ZSCAN2: variants seen among roughly 807,000 people sequenced by gnomAD.
The protein encoded by ZSCAN2 is zinc finger and SCAN domain-containing protein 2.
In ZSCAN2, 26 loss-of-function variants were observed where a neutral mutation model predicts 47.8. The ratio of observed to expected loss-of-function variants is 0.54; its 90% CI spans 0.40 to 0.75. The LOEUF is 0.75. ZSCAN2 is among the 30% of genes least tolerant of loss of function. The probability of loss-of-function intolerance (pLI) is 0.00; values close to 1 mark genes in which losing one functional copy is unlikely to be tolerated. For missense variants in ZSCAN2, 732 were observed against 785.4 expected (o/e 0.93, Z 0.81); for synonymous variants, 305 against 288.7 (o/e 1.06, Z -0.57).
rs773018666 is a variant in ZSCAN2, at chr15:84,620,812, T to C, written c.617T>C (p.Val206Ala). 5.0e-6 allele frequency: 8 copies of C among 1,614,070 alleles called. 1 individual carries two copies. The highest frequency in any genetic ancestry group is 3.3e-5 in the South Asian group (3 of 91,086). ...GAGGTGGTTTCTCAGGACAGGGAAG[T>C]TGGCCAGCTCATAGGCCTGCAGGGC... ...HGEVVSQDRE[V>A]GQLIGLQGTY... is the part of the protein sequence containing the mutation. Residue 206 changes from valine (V) to alanine (A), a missense_variant, in exon 3 of 3, where the codon GTT becomes GCT. Coordinates refer to ENST00000546148, the MANE Select transcript of ZSCAN2 (RefSeq NM_181877.4).
At position 84,621,512 on chromosome 15, in the gene ZSCAN2, C is replaced by T. The variant is rs1376715704; in HGVS notation, c.1317C>T (p.Thr439=). The T allele has an allele frequency of 6.2e-7, 1 of 1,613,796 alleles. No individual in the cohort carries two copies. The highest frequency in any genetic ancestry group is 1.7e-5 in the Admixed American group (1 of 59,976). The part of the protein sequence containing the change: ...RSSNLATHRR[T]HMVEKPYKCG... ...CTAACCTGGCCACACACCGGAGAAC[C>T]CACATGGTGGAGAAGCCCTATAAGT... The change falls in exon 3 of 3, where the codon ACC becomes ACT. Residue 439 remains threonine (T), a synonymous_variant. Coordinates refer to ENST00000546148, the MANE Select transcript of ZSCAN2 (RefSeq NM_181877.4). The surrounding 1 kb of genome is among the most constrained non-coding windows in gnomAD (Gnocchi z 5.7).
At position 84,621,658 on chromosome 15, in the gene ZSCAN2, ACCT is replaced by A. The variant is rs1567013613; in HGVS notation, c.1468_1470del (p.Leu490del). On this transcript the variant is annotated inframe_deletion, in exon 3 of 3. Transcript: ENST00000546148. This position sits in a 1 kb window ranked among gnomAD's most constrained non-coding sequence, Gnocchi z 5.7. ...GGGGAGAGCTTCAGCTGGAGCTCCA[ACCT>A]CCTCAAGCACCAGAGGATCCACACG... 2 of 1,612,568 alleles carry A rather than the reference ACCT, an allele frequency of 1.2e-6. No individual in the cohort carries two copies. The highest frequency in any genetic ancestry group is 1.7e-6 in the Non-Finnish European group (2 of 1,179,722).
intron 2 of ZSCAN2, 86 bp downstream of exon 2, chr15:84,604,419 G>A: frequency 1.3e-6 from 2 of 1,493,094 alleles, no homozygotes; most frequent in African/African-American, 1.4e-5. Flanking sequence ...AGAAGGTGGT[G>A]TCCAAGGCAG....
Position 84,622,705 on chromosome 15 carries a change from C to T in ZSCAN2, c.*665C>T, listed in dbSNP as rs552339503. 2.4e-5 allele frequency: 17 copies of T among 717,192 alleles called. No homozygotes were observed. The highest frequency in any genetic ancestry group is 2.4e-4 in the South Asian group (16 of 67,576). 44.4% of individuals were successfully genotyped at this position (717,192 alleles called of 1,614,324 possible). A position where few individuals can be genotyped will look rare whatever the true frequency, so the allele number is the denominator to read the frequency against. ...AGCCTGGAGCCAGTGTCCCAGTGTCCTTTCCATTGGTAAGAGTTGGACAGG... is the reference window on the plus strand; with the variant it reads ...AGCCTGGAGCCAGTGTCCCAGTGTCTTTTCCATTGGTAAGAGTTGGACAGG... On this transcript the variant is annotated 3_prime_UTR_variant, in exon 3 of 3. Transcript: ENST00000546148.
At chr15:84,606,836 G>C in intron 2 of ZSCAN2, 4 of 1,235,186 alleles carry the variant, frequency 3.2e-6, no homozygotes, top group Non-Finnish European at 4.0e-6. Context: ...CTGCCTCTGA[G>C]ATTGTCTTTG....
chr15:84,620,715 G>A lies in ZSCAN2; in HGVS notation c.520G>A (p.Gly174Arg). The stretch of plus-strand genomic sequence containing the variant: ...AGGTGAAAGTGCTCAGCACTCCGAT[G>A]GGGAAAGTGACTTTGAGAGAGATGC... Reference protein sequence around the residue: ...PEGESAQHSDGESDFERDAGI... With the variant: ...PEGESAQHSDRESDFERDAGI... Residue 174 changes from glycine to arginine, a missense_variant, in exon 3 of 3, where the codon GGG (glycine) becomes AGG (arginine). Physicochemically the swap from Gly to Arg is moderately radical, Grantham distance 125 (BLOSUM62 -2). Transcript: ENST00000546148. 6.2e-7 allele frequency: 1 copy of A among 1,614,230 alleles called. No homozygotes were observed. Among genetic ancestry groups the A allele is most frequent in the South Asian group, 1.1e-5 (1 of 91,082 alleles).
intron 2 of ZSCAN2, chr15:84,616,273 C>T (rs770386687): frequency 1.5e-5 from 15 of 983,074 alleles, no homozygotes; most frequent in East Asian, 7.1e-5. Flanking sequence ...GATTAATGTG[C>T]GTGGGTCAAA....
chr15:84,620,591 C>G lies in ZSCAN2; in HGVS notation c.407-11C>G. 1 of 1,583,352 alleles carries G rather than the reference C, an allele frequency of 6.3e-7. No homozygotes were observed. The highest frequency in any genetic ancestry group is 1.1e-5 in the South Asian group (1 of 88,712). On this transcript the variant is annotated splice_polypyrimidine_tract_variant and intron_variant, in intron 2 of 2. Transcript: ENST00000546148. The stretch of plus-strand genomic sequence containing the variant: ...TGAGTAGACATTGTATGTTTTTCTT[C>G]ATTGTTTCAGATTTTGAGATACAGA...
intron 2 of ZSCAN2, among the ~76,000 whole-genome samples, chr15:84,608,729 T>A (rs1005006173): frequency 6.6e-6 from 1 of 152,114 alleles, no homozygotes; most frequent in Non-Finnish European, 1.5e-5. Context: ...GTATGGGGTA[T>A]GGCCTGGGCA....
Position 84,622,628 on chromosome 15 carries a change from G to C in ZSCAN2, c.*588G>C. Reference sequence around the variant, plus strand: ...TCTGAGTCACCCACGTGAAGGTAAAGACCCTTTCTATTTCCAGAAAGTGTC... The same window carrying C: ...TCTGAGTCACCCACGTGAAGGTAAACACCCTTTCTATTTCCAGAAAGTGTC... On this transcript the variant is annotated 3_prime_UTR_variant, in exon 3 of 3. Coordinates refer to ENST00000546148, the MANE Select transcript of ZSCAN2 (RefSeq NM_181877.4). 1 of 717,474 alleles carries C rather than the reference G, an allele frequency of 1.4e-6. No individual in the cohort carries two copies. Among genetic ancestry groups the C allele is most frequent in the Non-Finnish European group, 2.6e-6 (1 of 385,088 alleles). The allele number at this position is 717,474 out of a possible 1,614,324, so 44.4% of individuals were successfully genotyped here. A position where few individuals can be genotyped will look rare whatever the true frequency, so the allele number is the denominator to read the frequency against.
At chr15:84,619,925 T>G (rs1276215865) in intron 2 of ZSCAN2, among the ~76,000 whole-genome samples, 2 of 140,598 alleles carry the variant, frequency 1.4e-5, no homozygotes, top group Non-Finnish European at 3.1e-5. Flanking sequence ...AAGCCTGGGT[T>G]GGTTTTTTTT....
intron 2 of ZSCAN2, among the ~76,000 whole-genome samples, chr15:84,618,063 C>T (rs1189585984): frequency 6.6e-6 from 1 of 152,206 alleles, no homozygotes; most frequent in Non-Finnish European, 1.5e-5. Context: ...TTTATATTAA[C>T]TTACAGAAAA....
Position 84,602,582 on chromosome 15 carries a change from C to T in ZSCAN2, c.-108-1238C>T, listed in dbSNP as rs372389807. Reference sequence around the variant, plus strand: ...AGTTTCTTTTCTTTTTTTTCCTTTTCTTTTCTTTTTTTTTTTTTTTTTTTG... The same window carrying T: ...AGTTTCTTTTCTTTTTTTTCCTTTTTTTTTCTTTTTTTTTTTTTTTTTTTG... On this transcript the variant is annotated intron_variant, in intron 1 of 2. Transcript: ENST00000546148. 6.8e-5 allele frequency among the ~76,000 whole-genome samples: 9 copies of T among 132,656 alleles called. No individual in the cohort carries two copies. The East Asian group carries it at 1.5e-3, about 22-fold the overall frequency. 87.0% of individuals were successfully genotyped at this position (132,656 alleles called of 152,430 possible).
intron 2 of ZSCAN2, among the ~76,000 whole-genome samples, chr15:84,607,999 A>G (rs76931020): frequency 2.3e-3 from 343 of 152,266 alleles, no homozygotes; most frequent in Non-Finnish European, 3.1e-3. Flanking sequence ...CGTCTCCCCC[A>G]GAACATTTGG....
intron 2 of ZSCAN2, chr15:84,616,594 A>C: frequency 8.1e-7 from 1 of 1,240,044 alleles, no homozygotes; most frequent in Non-Finnish European, 1.0e-6. Context: ...CTGAAAATAA[A>C]ATTGGATTTT....
At chr15:84,618,439 C>T (rs576133696) in intron 2 of ZSCAN2, among the ~76,000 whole-genome samples, 95 of 152,048 alleles carry the variant, frequency 6.2e-4, no homozygotes, top group African/African-American at 2.2e-3. Context: ...AAAAGTGCAG[C>T]TTTTTTTAGG....
At chr15:84,605,173 A>AT (rs1000459126) in intron 2 of ZSCAN2, among the ~76,000 whole-genome samples, 1 of 152,158 alleles carries the variant, frequency 6.6e-6, no homozygotes. Context: ...TAGTTACTCT[A>AT]TTTTTTTCCG....
chr15:84,623,015 T>A lies in ZSCAN2; in HGVS notation c.*975T>A. The A allele has an allele frequency of 3.6e-6, 1 of 274,514 alleles. No individual in the cohort carries two copies. The highest frequency in any genetic ancestry group is 7.3e-5 in the East Asian group (1 of 13,662). 17.0% of individuals were successfully genotyped at this position (274,514 alleles called of 1,614,324 possible). The stretch of plus-strand genomic sequence containing the variant: ...GAATTATTCTATGCACTTGTTTCCC[T>A]CTTCTTTTATTTTTTATTTGATATA... On this transcript the variant is annotated 3_prime_UTR_variant, in exon 3 of 3. Transcript: ENST00000546148.
At position 84,622,162 on chromosome 15, in the gene ZSCAN2, C is replaced by T. The variant is rs1013903593; in HGVS notation, c.*122C>T. The T allele has an allele frequency of 1.9e-5, 17 of 886,296 alleles. No individual in the cohort carries two copies. Among genetic ancestry groups the T allele is most frequent in the Admixed American group, 4.9e-5 (2 of 40,828 alleles). 54.9% of individuals were successfully genotyped at this position (886,296 alleles called of 1,614,324 possible). On this transcript the variant is annotated 3_prime_UTR_variant, in exon 3 of 3. Transcript: ENST00000546148. Reference sequence around the variant, plus strand: ...TTCTGGGGGGTTTTGCCAGAGTCTTCCCCTTGCTCATCCTCATTTCCAGGA... The same window carrying T: ...TTCTGGGGGGTTTTGCCAGAGTCTTTCCCTTGCTCATCCTCATTTCCAGGA...
Sources: gnomAD v4.1 joint callset for allele counts (sites outside exome capture counted in the v4.1 genomes callset) on GRCh38, gnomAD v4.1.1 for gene constraint, Gnocchi (gnomAD v3.1) non-coding constraint, MANE v1.5 for transcripts, NCBI Gene and HGNC (gene_info 2026-07-23, HGNC 2026-07-21) for gene names.